Variants in AK9 observed in about 807,000 individuals in gnomAD.
AK9 encodes adenylate kinase 9, also known as adenylate kinase domain containing 1.
In AK9, 191 loss-of-function variants were observed where a neutral mutation model predicts 239.6. The observed-to-expected ratio is 0.80, with a 90% CI of 0.71 to 0.90. The LOEUF is 0.90. Ranked by LOEUF, AK9 falls within the 40% of genes least tolerant of loss-of-function variation. The pLI, the probability that AK9 is intolerant of heterozygous loss-of-function variation, is 0.00. For synonymous variants in AK9, 689 were observed against 721.0 expected, an observed-to-expected ratio of 0.96 and a Z score of 0.71; for missense variants, 1,995 against 2,214.7, an observed-to-expected ratio of 0.90 and a Z score of 1.99.
At position 109,662,570 on chromosome 6, in the gene AK9, T is replaced by C; in HGVS notation, c.425A>G (p.Asp142Gly). 6.4e-7 allele frequency: 1 copy of C among 1,560,474 alleles called. No homozygotes were observed. The highest frequency in any genetic ancestry group is 8.7e-7 in the Non-Finnish European group (1 of 1,152,918). The change falls in exon 6 of 41, where the codon GAT becomes GGT. Residue 142 changes from aspartate to glycine, a missense_variant. By Grantham distance (94) the Asp-to-Gly change is moderately conservative. Around this residue, in one of 5 missense-constraint regions of AK9, gnomAD observed 252 missense variants for 246.4 expected, o/e 1.02. Transcript: ENST00000424296. Reference sequence around the variant, plus strand: ...CCTTACCTTTATATTGATTATAACATCAGGTTTCAGGTTTAAGTTTTTAAT... The same window carrying C: ...CCTTACCTTTATATTGATTATAACACCAGGTTTCAGGTTTAAGTTTTTAAT... ...ELIKNLNLKP[D>G]VIINIKCPDY...
chr6:109,651,839 C>T (rs1183788859), intron 8 of AK9, among the ~76,000 whole-genome samples: 1 of 152,048 alleles, frequency 6.6e-6, no homozygotes, highest in Non-Finnish European at 1.5e-5. Flanking sequence ...ATACACCCTC[C>T]CAAGACTAAA....
At chr6:109,518,774 T>A (rs1230048065) in intron 29 of AK9, among the ~76,000 whole-genome samples, 1 of 152,150 alleles carries the variant, frequency 6.6e-6, no homozygotes, top group Non-Finnish European at 1.5e-5. Flanking sequence ...TCTTTCCATA[T>A]CAGAACATAC....
chr6:109,496,270 G>A (rs987866083), intron 38 of AK9, among the ~76,000 whole-genome samples: 1 of 152,280 alleles, frequency 6.6e-6, no homozygotes, highest in Non-Finnish European at 1.5e-5. Flanking sequence ...TCAGCCGGCC[G>A]TGTGCAGTCC....
intron 36 of AK9, among the ~76,000 whole-genome samples, chr6:109,498,223 T>C (rs925478988): frequency 2.0e-5 from 3 of 152,192 alleles, no homozygotes; most frequent in Admixed American, 1.3e-4. Flanking sequence ...CCTACTACAC[T>C]ACAGTCACTG....
intron 17 of AK9, among the ~76,000 whole-genome samples, chr6:109,586,373 G>A (rs1168716830): frequency 6.6e-6 from 1 of 152,138 alleles, no homozygotes; most frequent in Non-Finnish European, 1.5e-5. Context: ...CTATAATTGT[G>A]CCACTGCACC....
intron 35 of AK9, among the ~76,000 whole-genome samples, chr6:109,499,902 A>G (rs1403670009): frequency 6.6e-6 from 1 of 152,134 alleles, no homozygotes; most frequent in Non-Finnish European, 1.5e-5. Context: ...TGCCTGGCCA[A>G]TTTACCTAAT....
chr6:109,566,822 A>T (rs969910175), intron 21 of AK9, among the ~76,000 whole-genome samples: 2 of 152,188 alleles, frequency 1.3e-5, no homozygotes, highest in Non-Finnish European at 2.9e-5. Flanking sequence ...CCTGCTCCTG[A>T]ATGACTACTG....
intron 10 of AK9, among the ~76,000 whole-genome samples, chr6:109,637,899 T>C (rs534564629): frequency 1.5e-4 from 23 of 152,332 alleles, no homozygotes; most frequent in African/African-American, 5.1e-4. Flanking sequence ...CTAGATTTTG[T>C]AAAAATACAT....
chr6:109,653,044 A>C (rs574047192), intron 8 of AK9, among the ~76,000 whole-genome samples: 1 of 152,192 alleles, frequency 6.6e-6, no homozygotes, highest in Admixed American at 6.5e-5. Context: ...CTCCTGCCTC[A>C]GCCTCCTGAG....
At chr6:109,586,528 C>A (rs952962591) in intron 17 of AK9, among the ~76,000 whole-genome samples, 11 of 152,072 alleles carry the variant, frequency 7.2e-5, no homozygotes, top group African/African-American at 2.7e-4. Flanking sequence ...GGGGAATGGC[C>A]CTAGAGTCTA....
intron 17 of AK9, among the ~76,000 whole-genome samples, chr6:109,588,571 T>C (rs1305982784): frequency 1.3e-5 from 2 of 152,220 alleles, no homozygotes; most frequent in South Asian, 2.1e-4. Flanking sequence ...TGATTATTTC[T>C]TCAGAAACTT....
chr6:109,620,228 C>T (rs1794652777), intron 12 of AK9, among the ~76,000 whole-genome samples: 1 of 151,858 alleles, frequency 6.6e-6, no homozygotes, highest in African/African-American at 2.4e-5. Context: ...TATAATAAAC[C>T]ATCAAACTGT....
chr6:109,663,587 T>C (rs1001005067), intron 5 of AK9, among the ~76,000 whole-genome samples: 2 of 152,156 alleles, frequency 1.3e-5, no homozygotes, highest in African/African-American at 4.8e-5. Flanking sequence ...ATGAGAGTGG[T>C]GGTGACATTA....
intron 27 of AK9, among the ~76,000 whole-genome samples, chr6:109,538,397 A>T (rs975816343): frequency 6.6e-6 from 1 of 152,152 alleles, no homozygotes; most frequent in African/African-American, 2.4e-5. Context: ...GTTGGTTGAA[A>T]GTCTGTTTTA....
intron 20 of AK9, among the ~76,000 whole-genome samples, chr6:109,577,381 T>C (rs1788232804): frequency 6.6e-6 from 1 of 152,076 alleles, no homozygotes; most frequent in African/African-American, 2.4e-5. Context: ...TGCTATTGAA[T>C]TTAGTTAGTA....
Position 109,658,820 on chromosome 6 carries a change from T to A in AK9, c.630+408A>T, listed in dbSNP as rs956533640. The stretch of plus-strand genomic sequence containing the variant: ...CTTTTAAAAAGCATGAAGCTTAAAT[T>A]AAAAAAAAAAAGTCATTCTTTATAA... On this transcript the variant is annotated intron_variant, in intron 7 of 40. Transcript: ENST00000424296. 3.9e-4 allele frequency among the ~76,000 whole-genome samples: 57 copies of A among 146,748 alleles called. 1 individual carries two copies. The highest frequency in any genetic ancestry group is 1.4e-3 in the African/African-American group (55 of 40,170).
chr6:109,648,488 T>C (rs1409513957), intron 8 of AK9, among the ~76,000 whole-genome samples: 1 of 151,672 alleles, frequency 6.6e-6, no homozygotes, highest in Non-Finnish European at 1.5e-5. Flanking sequence ...CTAGAAAATC[T>C]AGAAGAAATA....
At chr6:109,509,029 T>A (rs1320579984) in intron 33 of AK9, 150 bp downstream of exon 33, 1 of 845,544 alleles carries the variant, frequency 1.2e-6, no homozygotes, top group African/African-American at 1.7e-5. Context: ...AATTCAAATA[T>A]GTAACCATAT....
intron 21 of AK9, among the ~76,000 whole-genome samples, chr6:109,571,188 G>T (rs1301188463): frequency 6.6e-6 from 1 of 152,108 alleles, no homozygotes; most frequent in Non-Finnish European, 1.5e-5. Context: ...CAAGAATAGG[G>T]TCATGTGGAA....
Sources: allele counts gnomAD v4.1 joint callset (sites outside exome capture counted in the v4.1 genomes callset), GRCh38; gene constraint gnomAD v4.1.1; regional missense constraint gnomAD v4.1.1; transcripts MANE v1.5; gene names NCBI Gene and HGNC (gene_info 2026-07-23, HGNC 2026-07-21).